The following IGF2R variants were observed in gnomAD, a reference collection of about 807,000 sequenced individuals.
IGF2R encodes insulin like growth factor 2 receptor.
A neutral mutation model predicts 270.6 loss-of-function variants in IGF2R; 91 were observed. The ratio of observed to expected loss-of-function variants is 0.34; its 90% CI spans 0.28 to 0.40. The LOEUF is 0.40. Ranked by LOEUF, IGF2R falls within the 10% of genes least tolerant of loss-of-function variation. The pLI, the probability that IGF2R is intolerant of heterozygous loss-of-function variation, is 1.00. For synonymous variants in IGF2R, 1,316 were observed against 1,258.9 expected (o/e 1.05, Z -0.96); for missense variants, 2,805 against 3,188.3 (o/e 0.88, Z 2.90).
At chr6:160,040,478 G>A in intron 10 of IGF2R, 82 bp from the exon 11 acceptor site, 2 of 1,230,744 alleles carry the variant, frequency 1.6e-6, no homozygotes, top group African/African-American at 1.5e-5. Context: ...CATTGGTCCT[G>A]TTCAGTTTCT....
intron 19 of IGF2R, among the ~76,000 whole-genome samples, chr6:160,054,207 T>A (rs1309836956): frequency 1.3e-5 from 2 of 152,222 alleles, no homozygotes; most frequent in Non-Finnish European, 2.9e-5. Flanking sequence ...TAGTCAAGTA[T>A]ACATATTCAG....
chr6:160,083,127 T>A (rs1040361840), intron 39 of IGF2R, among the ~76,000 whole-genome samples: 6 of 152,132 alleles, frequency 3.9e-5, no homozygotes, highest in African/African-American at 1.4e-4. Context: ...AAAAAAGGAA[T>A]GTAGTAGGAG....
At position 160,075,895 on chromosome 6, in the gene IGF2R, G is replaced by C. The variant is rs890028236; in HGVS notation, c.5215G>C (p.Glu1739Gln). 45 of 1,613,976 alleles carry C rather than the reference G, an allele frequency of 2.8e-5. No homozygotes were observed. Among genetic ancestry groups the C allele is most frequent in the Non-Finnish European group, 3.6e-5 (43 of 1,179,932 alleles). ...ACCAATACTCAATCCAATAGCAAAT[G>C]AGATTTACTTGAATTTTGAAAGCAG... Reference protein sequence around the residue: ...GPPILNPIANEIYLNFESSTP... With the variant: ...GPPILNPIANQIYLNFESSTP... The change falls in exon 36 of 48, where the codon GAG (glutamate) becomes CAG (glutamine). Residue 1739 changes from glutamate to glutamine, a missense_variant. Glu to Gln is a conservative substitution (Grantham distance 29). Around this residue, in one of 2 missense-constraint regions of IGF2R, gnomAD observed 1,851 missense variants for 2,207.2 expected, o/e 0.84. Coordinates refer to ENST00000356956, the MANE Select transcript of IGF2R (RefSeq NM_000876.4).
In IGF2R at chr6:160,064,834, T is replaced by G. The variant is rs1196240910; in HGVS notation, c.4048T>G (p.Ser1350Ala). 1.2e-6 allele frequency: 2 copies of G among 1,613,700 alleles called. No individual in the cohort carries two copies. Among genetic ancestry groups the G allele is most frequent in the Admixed American group, 1.7e-5 (1 of 60,028 alleles). ...PVFLKETSDCSYLFEWRTQYA... is the reference protein window; with the variant it reads ...PVFLKETSDCAYLFEWRTQYA... ...ATTTCTAAAGGAGACTTCAGATTGTTCCTACTTGTTTGAGTGGCGAACGCA... is the reference window on the plus strand; with the variant it reads ...ATTTCTAAAGGAGACTTCAGATTGTGCCTACTTGTTTGAGTGGCGAACGCA... Residue 1350 changes from serine (S) to alanine (A), a missense_variant, in exon 29 of 48, where the codon TCC becomes GCC. Ser to Ala is a moderately conservative substitution (Grantham distance 99). This residue lies in a region of IGF2R where 1,851 missense variants were observed against 2,207.2 expected (regional missense o/e 0.84). Coordinates refer to ENST00000356956, the MANE Select transcript of IGF2R (RefSeq NM_000876.4).
intron 46 of IGF2R, among the ~76,000 whole-genome samples, chr6:160,103,396 G>A (rs964387615): frequency 1.3e-5 from 2 of 152,170 alleles, no homozygotes; most frequent in Non-Finnish European, 1.5e-5. Context: ...TCTGGGCCGG[G>A]AAGGGCATGT....
At chr6:160,021,316 C>T (rs1038934753) in intron 4 of IGF2R, among the ~76,000 whole-genome samples, 1 of 151,170 alleles carries the variant, frequency 6.6e-6, no homozygotes, top group African/African-American at 2.4e-5. Context: ...AACTGGAAAC[C>T]ATCATTCTCA....
rs375863720 is a variant in IGF2R at position 160,073,359 on chromosome 6, G to A, written c.4837G>A (p.Val1613Met). The A allele has an allele frequency of 3.1e-6, 5 of 1,614,256 alleles. No homozygotes were observed. In the African/African-American group the frequency reaches 4.0e-5, roughly 13 times the overall value. The change falls in exon 34 of 48, where the codon GTG (valine) becomes ATG (methionine). Residue 1613 changes from valine to methionine, a missense_variant. This residue lies in a region of IGF2R where 1,851 missense variants were observed against 2,207.2 expected (regional missense o/e 0.84). Transcript: ENST00000356956. ...GAGCTATAAGAGTGTGATCAGTTTC[G>A]TGTGCAGGCCTGAGGCCAGGCCAAC... ...GLSYKSVISF[V>M]CRPEARPTNR...
At chr6:160,078,068 G>C (rs1759483391) in intron 36 of IGF2R, 133 bp from the exon 37 acceptor site, 2 of 810,560 alleles carry the variant, frequency 2.5e-6, no homozygotes, top group African/African-American at 1.7e-5. Flanking sequence ...TCTTTCAGCT[G>C]CTGTTGTCTA....
intron 1 of IGF2R, among the ~76,000 whole-genome samples, chr6:159,988,444 T>A (rs1287824910): frequency 7.9e-6 from 1 of 127,044 alleles, no homozygotes; most frequent in Non-Finnish European, 1.5e-5. Context: ...ACCCGGGAGG[T>A]GGAGCTTGCA....
chr6:159,986,431 T>TGTG (rs1554235468), intron 1 of IGF2R, among the ~76,000 whole-genome samples: 4,909 of 73,792 alleles, frequency 0.067, 153 homozygotes, highest in Admixed American at 0.19. Context: ...TGTGTGTGTG[T>TGTG]TTTTTTTTTT....
chr6:160,026,766 C>T (rs749230248), intron 5 of IGF2R, among the ~76,000 whole-genome samples: 5 of 152,192 alleles, frequency 3.3e-5, no homozygotes, highest in East Asian at 1.9e-4. Context: ...CCAACGTTAT[C>T]GACATAGTAA....
intron 1 of IGF2R, among the ~76,000 whole-genome samples, 156 bp downstream of exon 1, chr6:159,969,551 G>C (rs949857262): frequency 5.9e-5 from 9 of 152,068 alleles, no homozygotes; most frequent in Non-Finnish European, 2.9e-5. Flanking sequence ...TTGCCTGCGT[G>C]GTGTCCGCGA....
At chr6:160,087,808 T>C (rs1057513424) in intron 41 of IGF2R, among the ~76,000 whole-genome samples, 2 of 152,288 alleles carry the variant, frequency 1.3e-5, no homozygotes, top group Middle Eastern at 3.4e-3. Flanking sequence ...CCTGAGTAGC[T>C]GGGATTACAG....
chr6:160,045,626 A>G (rs1165634759), intron 13 of IGF2R, 119 bp from the exon 14 acceptor site: 20 of 1,229,704 alleles, frequency 1.6e-5, no homozygotes, highest in Admixed American at 1.7e-5. Context: ...TGACCCTTCT[A>G]TGCATTATAC....
In IGF2R at chr6:159,991,331, G is replaced by A. The variant is rs1489013879; in HGVS notation, c.289+8G>A. 6.2e-7 allele frequency: 1 copy of A among 1,604,534 alleles called. No homozygotes were observed. Among genetic ancestry groups the A allele is most frequent in the Non-Finnish European group, 8.5e-7 (1 of 1,175,510 alleles). On this transcript the variant is annotated splice_region_variant and intron_variant, in intron 2 of 47. Coordinates refer to ENST00000356956, the MANE Select transcript of IGF2R (RefSeq NM_000876.4). ...GCACTTATCATTCAGTGGGTAAGTA[G>A]AACTACCTGAAATTACTGGATTGGC...
At chr6:159,974,524 G>C (rs1264470311) in intron 1 of IGF2R, among the ~76,000 whole-genome samples, 1 of 152,152 alleles carries the variant, frequency 6.6e-6, no homozygotes, top group Non-Finnish European at 1.5e-5. Flanking sequence ...TTGAAGAACA[G>C]ATTTAAAAAA....
At chr6:160,018,867 G>T (rs1023219687) in intron 4 of IGF2R, among the ~76,000 whole-genome samples, 17 of 151,962 alleles carry the variant, frequency 1.1e-4, no homozygotes, top group African/African-American at 4.1e-4. Context: ...CAAAAATAGA[G>T]ATCACAAATT....
chr6:160,016,933 AG>A, intron 4 of IGF2R, among the ~76,000 whole-genome samples: 1 of 152,380 alleles, frequency 6.6e-6, no homozygotes, highest in East Asian at 1.9e-4. Flanking sequence ...AGAAGGAAGC[AG>A]GGTAACAATT....
rs754279467 is a variant in IGF2R at position 160,078,271 on chromosome 6, C to A, written c.5387C>A (p.Pro1796His). ...GAATGGGAGACTCCTGTCGTCTGTC[C>A]TGATGAAGTGAGGATGGATGGCTGT... ...VFEWETPVVC[P>H]DEVRMDGCTL... is the part of the protein sequence containing the mutation. The change falls in exon 37 of 48, where the codon CCT (proline) becomes CAT (histidine). Residue 1796 changes from proline (P) to histidine (H), a missense_variant. Pro to His is a moderately conservative substitution (Grantham distance 77). This residue lies in a region of IGF2R where 1,851 missense variants were observed against 2,207.2 expected (regional missense o/e 0.84). Transcript: ENST00000356956. 9.9e-6 allele frequency: 16 copies of A among 1,614,078 alleles called. No individual in the cohort carries two copies. The highest frequency in any genetic ancestry group is 1.3e-5 in the African/African-American group (1 of 74,938).
Sources: gnomAD v4.1 joint callset for allele counts (sites outside exome capture counted in the v4.1 genomes callset) on GRCh38, gnomAD v4.1.1 for gene constraint, gnomAD v4.1.1 regional missense constraint, MANE v1.5 for transcripts, NCBI Gene and HGNC (gene_info 2026-07-23, HGNC 2026-07-21) for gene names.